ADGRL4: variants seen among roughly 807,000 people sequenced by gnomAD.
ADGRL4 encodes the protein adhesion G protein-coupled receptor L4, also known as EGF, latrophilin and seven transmembrane domain containing 1.
Under a neutral mutation model 74.8 loss-of-function variants are expected in ADGRL4, and 90 were observed. The observed-to-expected ratio is 1.20, with a 90% CI of 1.02 to 1.43. ADGRL4 has a LOEUF of 1.43. Among genes scored for constraint, ADGRL4 ranks in the 40% most tolerant of loss-of-function variants. The pLI is 0.00. For synonymous variants in ADGRL4, 311 were observed against 279.2 expected, an observed-to-expected ratio of 1.11 and a Z score of -1.14; for missense variants, 881 against 814.3, an observed-to-expected ratio of 1.08 and a Z score of -1.00.
At chr1:78,982,778 T>A (rs1650422211) in intron 2 of ADGRL4, among the ~76,000 whole-genome samples, 2 of 151,600 alleles carry the variant, frequency 1.3e-5, no homozygotes, top group South Asian at 4.2e-4. Context: ...AAATTAGGGG[T>A]GTAAAACAAA....
rs1300143811 is a variant in ADGRL4, at chr1:78,936,408, A to G, written c.764T>C (p.Leu255Pro). The change falls in exon 7 of 15, where the codon CTC (leucine) becomes CCC (proline). Residue 255 changes from leucine (L) to proline (P), a missense_variant. Transcript: ENST00000370742. ...EFDTNSTDIA[L>P]KVFFFDSYNM... ...ATATGAATCAAAAAAGAAAACTTTGAGAGCTGAAACAAAACCATGAAAATA... is the reference window on the plus strand; with the variant it reads ...ATATGAATCAAAAAAGAAAACTTTGGGAGCTGAAACAAAACCATGAAAATA... 1 of 1,569,226 alleles carries G rather than the reference A, an allele frequency of 6.4e-7. No homozygotes were observed. Among genetic ancestry groups the G allele is most frequent in the Non-Finnish European group, 8.6e-7 (1 of 1,164,118 alleles).
chr1:78,981,627 C>T (rs1570270115), intron 2 of ADGRL4, among the ~76,000 whole-genome samples: 1 of 151,600 alleles, frequency 6.6e-6, no homozygotes. Context: ...ACATATTAAC[C>T]ATATTGTATG....
chr1:78,976,386 AT>A (rs1213806218), intron 2 of ADGRL4, among the ~76,000 whole-genome samples: 5 of 151,828 alleles, frequency 3.3e-5, no homozygotes, highest in African/African-American at 9.7e-5. Context: ...GGGCTTCAGT[AT>A]TTTTTTCACT....
intron 2 of ADGRL4, among the ~76,000 whole-genome samples, chr1:79,003,655 T>C (rs1050468844): frequency 1.3e-5 from 2 of 152,038 alleles, no homozygotes; most frequent in Admixed American, 1.3e-4. Context: ...CTGCTAAAGG[T>C]CCAAAATGTG....
At chr1:78,950,043 T>G (rs1040862934) in intron 2 of ADGRL4, among the ~76,000 whole-genome samples, 14 of 152,052 alleles carry the variant, frequency 9.2e-5, no homozygotes, top group Non-Finnish European at 7.4e-5. Context: ...ATTATCAGAT[T>G]GTAGAGTGTG....
Position 78,946,450 on chromosome 1 carries a change from A to T in ADGRL4, c.173-24T>A, listed in dbSNP as rs759111096. 37 of 1,558,710 alleles carry T rather than the reference A, an allele frequency of 2.4e-5. 1 individual carries two copies. The South Asian group carries it at 4.2e-4, about 18-fold the overall frequency. Reference sequence around the variant, plus strand: ...ATCTGTTGGCATATGAATTTAAAAGATTATTTTTATATAATTGACATAAAT... The same window carrying T: ...ATCTGTTGGCATATGAATTTAAAAGTTTATTTTTATATAATTGACATAAAT... On this transcript the variant is annotated intron_variant, in intron 2 of 14. Coordinates refer to ENST00000370742, the MANE Select transcript of ADGRL4 (RefSeq NM_022159.4).
chr1:78,977,532 A>G (rs920226474), intron 2 of ADGRL4, among the ~76,000 whole-genome samples: 2 of 151,980 alleles, frequency 1.3e-5, no homozygotes, highest in East Asian at 1.9e-4. Context: ...TTGAAGAAAG[A>G]AAAACAAAGT....
At chr1:78,936,577 TA>T (rs1468445710) in intron 6 of ADGRL4, among the ~76,000 whole-genome samples, 166 bp from the exon 7 acceptor site, 1 of 152,172 alleles carries the variant, frequency 6.6e-6, no homozygotes, top group African/African-American at 2.4e-5. Context: ...ATGTATATGT[TA>T]AAAATCTGAC....
intron 2 of ADGRL4, among the ~76,000 whole-genome samples, chr1:78,947,555 G>A (rs1364955417): frequency 3.3e-5 from 5 of 152,132 alleles, no homozygotes; most frequent in Non-Finnish European, 7.4e-5. Context: ...AGAGCTGTGA[G>A]AGAATAAATT....
At chr1:78,963,638 GC>G (rs550859591) in intron 2 of ADGRL4, among the ~76,000 whole-genome samples, 18 of 152,172 alleles carry the variant, frequency 1.2e-4, no homozygotes, top group African/African-American at 4.3e-4. Context: ...CTTAAAGCAT[GC>G]TACAGAAATA....
intron 12 of ADGRL4, among the ~76,000 whole-genome samples, chr1:78,904,401 A>G (rs1430683810): frequency 6.6e-6 from 1 of 152,088 alleles, no homozygotes; most frequent in Non-Finnish European, 1.5e-5. Flanking sequence ...TGAGAATCAT[A>G]TTGATCTATT....
At chr1:79,000,473 C>G (rs556414615) in intron 2 of ADGRL4, among the ~76,000 whole-genome samples, 1 of 152,258 alleles carries the variant, frequency 6.6e-6, no homozygotes, top group South Asian at 2.1e-4. Context: ...ACACAGGCCC[C>G]TTTCCTTCTC....
chr1:78,977,046 T>G (rs1650299977), intron 2 of ADGRL4, among the ~76,000 whole-genome samples: 1 of 151,658 alleles, frequency 6.6e-6, no homozygotes, highest in Admixed American at 6.6e-5. Flanking sequence ...TTAATCCAAC[T>G]ATACATACAA....
At chr1:78,983,008 G>A (rs1650426438) in intron 2 of ADGRL4, among the ~76,000 whole-genome samples, 1 of 151,798 alleles carries the variant, frequency 6.6e-6, no homozygotes, top group South Asian at 2.1e-4. Flanking sequence ...GGGGGCAGAG[G>A]GAGAGTGGGA....
chr1:78,987,057 A>C (rs1650513484), intron 2 of ADGRL4, among the ~76,000 whole-genome samples: 1 of 151,824 alleles, frequency 6.6e-6, no homozygotes, highest in Non-Finnish European at 1.5e-5. Context: ...TGCTATTTTA[A>C]GTAGTAAATT....
chr1:78,979,771 C>T (rs937012898), intron 2 of ADGRL4, among the ~76,000 whole-genome samples: 22 of 151,934 alleles, frequency 1.4e-4, no homozygotes, highest in African/African-American at 5.1e-4. Flanking sequence ...GAGCAGGAGG[C>T]CGTTATTCTA....
chr1:78,918,244 G>A (rs900156108), intron 10 of ADGRL4, among the ~76,000 whole-genome samples, 194 bp from the exon 11 acceptor site: 5 of 151,790 alleles, frequency 3.3e-5, no homozygotes, highest in African/African-American at 7.3e-5. Context: ...TTTCATCAGC[G>A]TGAAATATTA....
intron 2 of ADGRL4, among the ~76,000 whole-genome samples, chr1:78,993,112 TA>T (rs1314735733): frequency 2.6e-5 from 4 of 152,102 alleles, no homozygotes; most frequent in African/African-American, 7.2e-5. Context: ...TTTTTTAATT[TA>T]AACCAAGCAT....
intron 2 of ADGRL4, among the ~76,000 whole-genome samples, chr1:78,962,971 A>T (rs1487436096): frequency 6.6e-6 from 1 of 152,146 alleles, no homozygotes; most frequent in Non-Finnish European, 1.5e-5. Flanking sequence ...TGTGTATGAA[A>T]TCTTTTCATA....
Sources: allele counts gnomAD v4.1 joint callset (sites outside exome capture counted in the v4.1 genomes callset), GRCh38; gene constraint gnomAD v4.1.1; transcripts MANE v1.5; gene names NCBI Gene and HGNC (gene_info 2026-07-23, HGNC 2026-07-21).